Variants in GLYR1 observed in about 807,000 individuals in gnomAD.
GLYR1 encodes glyoxylate reductase 1 homolog.
GLYR1 carries 21 observed loss-of-function variants against 72.7 expected under a neutral mutation model. The observed-to-expected ratio is 0.29, with a 90% confidence interval of 0.20 to 0.42. GLYR1 has a LOEUF of 0.42. Among genes scored for constraint, GLYR1 ranks in the 10% least tolerant of loss-of-function variants. The probability of loss-of-function intolerance (pLI) is 1.00; values close to 1 mark genes in which losing one functional copy is unlikely to be tolerated. For synonymous variants in GLYR1, 392 were observed against 270.2 expected (o/e 1.45, Z -4.42); for missense variants, 594 against 712.1 (o/e 0.83, Z 1.89).
chr16:4,824,945 G>T (rs762365573), intron 5 of GLYR1, among the ~76,000 whole-genome samples: 12 of 152,094 alleles, frequency 7.9e-5, no homozygotes, highest in Non-Finnish European at 1.6e-4. Context: ...GATATCTTTA[G>T]AGCCCTTCTT....
At chr16:4,842,871 T>A (rs2085667236) in intron 3 of GLYR1, among the ~76,000 whole-genome samples, 1 of 151,954 alleles carries the variant, frequency 6.6e-6, no homozygotes, top group Admixed American at 6.6e-5. Flanking sequence ...GACTAATTTT[T>A]GTATTTTTAG....
At chr16:4,828,936 T>C (rs2084608089) in intron 5 of GLYR1, among the ~76,000 whole-genome samples, 1 of 152,118 alleles carries the variant, frequency 6.6e-6, no homozygotes, top group African/African-American at 2.4e-5. Context: ...TGGCTTCACA[T>C]ACCAGACAAT....
At position 4,831,443 on chromosome 16, in the gene GLYR1, T is replaced by C. The variant is rs7199536; in HGVS notation, c.537+536A>G. Among the ~76,000 whole-genome samples the C allele has an allele frequency of 7.9e-3, 1,198 of 152,254 alleles. 23 individuals are homozygous for C. Among genetic ancestry groups the C allele is most frequent in the African/African-American group, 0.028 (1,149 of 41,536 alleles). On this transcript the variant is annotated intron_variant, in intron 5 of 15. Transcript: ENST00000321919. ...ACGATCCAGGGACAAGCTTCCTTTT[T>C]CTCGGCTTTCCTCACTATCCTCTCC...
At chr16:4,840,752 C>A (rs1353649335) in intron 3 of GLYR1, among the ~76,000 whole-genome samples, 2 of 152,170 alleles carry the variant, frequency 1.3e-5, no homozygotes, top group Non-Finnish European at 2.9e-5. Context: ...AAATAGCTTG[C>A]CCAAATCAGG....
rs62036111 is a variant in GLYR1 at position 4,823,761 on chromosome 16, G to T, written c.624+60C>A. 6.4e-4 allele frequency: 710 copies of T among 1,111,216 alleles called. 3 individuals are homozygous for T. In the African/African-American group the frequency reaches 9.7e-3, roughly 15 times the overall value. The allele number at this position is 1,111,216 out of a possible 1,614,324, so 68.8% of individuals were successfully genotyped here. ...AAGGGACAAAAAAAAAAAAAAAAAG[G>T]ATCACACAGGAACCTCGCCCTAAGC... On this transcript the variant is annotated intron_variant, in intron 6 of 15. Transcript: ENST00000321919.
intron 10 of GLYR1, among the ~76,000 whole-genome samples, chr16:4,817,346 C>G (rs1020440126): frequency 5.9e-5 from 9 of 152,004 alleles, no homozygotes; most frequent in Non-Finnish European, 1.3e-4. Flanking sequence ...GTCTCGATCT[C>G]CTGACCTCAT....
chr16:4,846,001 G>A (rs2086004702), intron 2 of GLYR1, among the ~76,000 whole-genome samples, 173 bp downstream of exon 2: 2 of 152,164 alleles, frequency 1.3e-5, no homozygotes, highest in Admixed American at 1.3e-4. Context: ...ATGATCTGGT[G>A]TATACTGCAT....
intron 10 of GLYR1, among the ~76,000 whole-genome samples, 153 bp from the exon 11 acceptor site, chr16:4,814,800 T>C (rs2083533970): frequency 6.6e-6 from 1 of 152,164 alleles, no homozygotes; most frequent in Non-Finnish European, 1.5e-5. Flanking sequence ...AGCCCAACTT[T>C]TGGGGAAGTG....
chr16:4,843,614 A>C, intron 3 of GLYR1: 1 of 1,289,146 alleles, frequency 7.8e-7, no homozygotes, highest in African/African-American at 1.5e-5. Context: ...TGTAAACATG[A>C]AACCAGGAAG....
Position 4,845,060 on chromosome 16 carries a change from T to G in GLYR1, c.155+14A>C. The G allele has an allele frequency of 6.3e-7, 1 of 1,583,386 alleles. No individual in the cohort carries two copies. The highest frequency in any genetic ancestry group is 1.1e-5 in the South Asian group (1 of 90,294). ...AAGAAAGGCGAAGGGAGACTCCTGGTGAGTACTACTCACTGATCTTCTGTT... is the reference window on the plus strand; with the variant it reads ...AAGAAAGGCGAAGGGAGACTCCTGGGGAGTACTACTCACTGATCTTCTGTT... On this transcript the variant is annotated intron_variant, in intron 3 of 15. Coordinates refer to ENST00000321919, the MANE Select transcript of GLYR1 (RefSeq NM_032569.4).
chr16:4,809,965 C>A (rs935532303), intron 15 of GLYR1, among the ~76,000 whole-genome samples: 12 of 151,494 alleles, frequency 7.9e-5, no homozygotes, highest in East Asian at 1.9e-4. Context: ...ACAAAAAAAA[C>A]CCAATACAGG....
At chr16:4,813,605 C>A in intron 12 of GLYR1, 132 bp downstream of exon 12, 1 of 775,402 alleles carries the variant, frequency 1.3e-6, no homozygotes, top group South Asian at 1.5e-5. Context: ...AGGCTAGTCC[C>A]AAGGCTACTC....
At chr16:4,807,471 C>G (rs1010466024) in intron 15 of GLYR1, among the ~76,000 whole-genome samples, 1 of 152,068 alleles carries the variant, frequency 6.6e-6, no homozygotes, top group African/African-American at 2.4e-5. Flanking sequence ...ACAAAGACAA[C>G]GAACAGAAAT....
chr16:4,822,811 C>G, intron 7 of GLYR1, 64 bp downstream of exon 7: 1 of 1,355,000 alleles, frequency 7.4e-7, no homozygotes, highest in Non-Finnish European at 1.1e-6. Flanking sequence ...AGGCCAGGAC[C>G]CAGTGGAGGA....
At chr16:4,830,761 C>T (rs1044376695) in intron 5 of GLYR1, among the ~76,000 whole-genome samples, 1 of 152,204 alleles carries the variant, frequency 6.6e-6, no homozygotes, top group African/African-American at 2.4e-5. Context: ...CAAATCTTGT[C>T]AGCAAGAAGG....
At chr16:4,812,275 A>G (rs368827037) in intron 12 of GLYR1, 27 bp from the exon 13 acceptor site, 83 of 1,603,648 alleles carry the variant, frequency 5.2e-5, no homozygotes, top group Non-Finnish European at 6.5e-5. Context: ...CAGCTTCTGG[A>G]GGCCTCCCCT....
intron 6 of GLYR1, among the ~76,000 whole-genome samples, 193 bp from the exon 7 acceptor site, chr16:4,823,124 A>C (rs1271978704): frequency 1.3e-5 from 2 of 152,248 alleles, no homozygotes; most frequent in African/African-American, 4.8e-5. Context: ...AGCTAGAGGA[A>C]AACTGGCTTT....
intron 3 of GLYR1, among the ~76,000 whole-genome samples, chr16:4,837,656 A>G (rs927649731): frequency 1.3e-5 from 2 of 152,044 alleles, no homozygotes; most frequent in African/African-American, 4.8e-5. Flanking sequence ...CATAGAGTAT[A>G]AAGGTGAGAA....
Position 4,815,727 on chromosome 16 carries a change from A to C in GLYR1, c.907-1080T>G, listed in dbSNP as rs189424297. On this transcript the variant is annotated intron_variant, in intron 10 of 15. Coordinates refer to ENST00000321919, the MANE Select transcript of GLYR1 (RefSeq NM_032569.4). ...ATTTAAAAACTACAAATAAGTGCCCATAAATACATGTAAAATTCTTCCTAC... is the reference window on the plus strand; with the variant it reads ...ATTTAAAAACTACAAATAAGTGCCCCTAAATACATGTAAAATTCTTCCTAC... Among the ~76,000 whole-genome samples the C allele has an allele frequency of 3.9e-5, 6 of 152,356 alleles. No individual in the cohort carries two copies. The East Asian group carries it at 1.2e-3, about 29-fold the overall frequency.
Sources: allele counts gnomAD v4.1 joint callset (sites outside exome capture counted in the v4.1 genomes callset), GRCh38; gene constraint gnomAD v4.1.1; transcripts MANE v1.5; gene names NCBI Gene and HGNC (gene_info 2026-07-23, HGNC 2026-07-21).